Variants in CACNA2D3 observed in about 807,000 individuals in gnomAD.
CACNA2D3 encodes the protein voltage-dependent calcium channel subunit alpha-2/delta-3.
CACNA2D3 carries 60 observed loss-of-function variants against 160.6 expected under a neutral mutation model. The ratio of observed to expected loss-of-function variants is 0.37; its 90% CI spans 0.30 to 0.46. The LOEUF (loss-of-function observed/expected upper bound fraction) is 0.46. Among genes scored for constraint, CACNA2D3 ranks in the 20% least tolerant of loss-of-function variants. The pLI is 1.00. For missense variants in CACNA2D3, 1,205 were observed against 1,365.0 expected (o/e 0.88, Z 1.85); for synonymous variants, 558 against 492.9 (o/e 1.13, Z -1.75).
chr3:54,522,003 G>T (rs920507276), intron 5 of CACNA2D3, among the ~76,000 whole-genome samples: 2 of 152,124 alleles, frequency 1.3e-5, no homozygotes, highest in African/African-American at 4.8e-5. Context: ...TATTTTTCAA[G>T]AGTGTTTTGG....
intron 27 of CACNA2D3, among the ~76,000 whole-genome samples, chr3:54,943,520 A>G (rs1701530373): frequency 6.6e-6 from 1 of 152,206 alleles, no homozygotes; most frequent in African/African-American, 2.4e-5. Context: ...TTATTAGGAC[A>G]ATCTATGTAC....
intron 17 of CACNA2D3, among the ~76,000 whole-genome samples, chr3:54,847,934 ACAAT>A (rs1401475742): frequency 6.6e-6 from 1 of 152,212 alleles, no homozygotes; most frequent in Non-Finnish European, 1.5e-5. Context: ...AGTCCATGAA[ACAAT>A]CAAACCCAAA....
intron 2 of CACNA2D3, among the ~76,000 whole-genome samples, chr3:54,261,258 A>G (rs1245807928): frequency 6.6e-6 from 1 of 152,192 alleles, no homozygotes; most frequent in Non-Finnish European, 1.5e-5. Flanking sequence ...TTTAATCCTT[A>G]CAAAACCTTT....
intron 9 of CACNA2D3, among the ~76,000 whole-genome samples, chr3:54,587,523 C>T (rs934027079): frequency 3.3e-5 from 5 of 151,938 alleles, no homozygotes; most frequent in Non-Finnish European, 7.4e-5. Context: ...TGCCACTGCA[C>T]TCCAGCCTGG....
chr3:55,029,299 C>A (rs932348944), intron 35 of CACNA2D3, among the ~76,000 whole-genome samples: 42 of 152,210 alleles, frequency 2.8e-4, no homozygotes, highest in African/African-American at 9.2e-4. Flanking sequence ...AATGCCCTAA[C>A]CCTCACTTTG....
intron 27 of CACNA2D3, among the ~76,000 whole-genome samples, chr3:54,919,836 G>C (rs1435920286): frequency 6.6e-6 from 1 of 152,232 alleles, no homozygotes; most frequent in Non-Finnish European, 1.5e-5. Flanking sequence ...GACTCACAGA[G>C]GTCACGAGTG....
chr3:54,299,913 A>G (rs1703435733), intron 2 of CACNA2D3, among the ~76,000 whole-genome samples: 1 of 152,232 alleles, frequency 6.6e-6, no homozygotes, highest in Non-Finnish European at 1.5e-5. Context: ...GTGCCTGTGT[A>G]GTGAAAACCT....
intron 13 of CACNA2D3, among the ~76,000 whole-genome samples, chr3:54,774,281 G>T (rs1260256761): frequency 6.6e-6 from 1 of 152,140 alleles, no homozygotes; most frequent in Non-Finnish European, 1.5e-5. Flanking sequence ...GGTTTAATTG[G>T]CTCAGGGTTC....
At chr3:54,503,761 A>G in intron 5 of CACNA2D3, 107 bp downstream of exon 5, 3 of 964,504 alleles carry the variant, frequency 3.1e-6, no homozygotes, top group Non-Finnish European at 3.1e-6. Flanking sequence ...ATTTTTTTTG[A>G]AAAGCACAGT....
At chr3:54,320,406 G>A (rs770834623) in intron 2 of CACNA2D3, 36 bp from the exon 3 acceptor site, 27 of 1,060,672 alleles carry the variant, frequency 2.5e-5, no homozygotes, top group Non-Finnish European at 3.8e-5. Flanking sequence ...GTTTTACGGT[G>A]TCATGTGTCT....
rs1559573721 is a variant in CACNA2D3, at chr3:54,763,790, T to TACAC, written c.1247-427_1247-426insCACA. ...ATATGTATATATGTACATATATATG[T>TACAC]ATATATATGTACATATATATACATA... On this transcript the variant is annotated intron_variant, in intron 12 of 37. Transcript: ENST00000474759. Among the ~76,000 whole-genome samples, 233 of 37,616 alleles carry TACAC rather than the reference T, an allele frequency of 6.2e-3. 62 individuals carry two copies. Among genetic ancestry groups the TACAC allele is most frequent in the Non-Finnish European group, 0.011 (206 of 18,426 alleles). The allele number at this position is 37,616 out of a possible 152,430, so 24.7% of individuals were successfully genotyped here. A position where few individuals can be genotyped will look rare whatever the true frequency, so the allele number is the denominator to read the frequency against.
rs140698328 is a variant in CACNA2D3, at chr3:54,186,321, C to G, written c.204+62727C>G. On this transcript the variant is annotated intron_variant, in intron 2 of 37. Coordinates refer to ENST00000474759, the MANE Select transcript of CACNA2D3 (RefSeq NM_018398.3). The stretch of plus-strand genomic sequence containing the variant: ...CTTTTCAAATAGTAATTTTAAGTAT[C>G]CCCAAAGACACAGATCGGTTGGGTG... Among the ~76,000 whole-genome samples the G allele has an allele frequency of 1.1e-4, 17 of 152,228 alleles. No homozygotes were observed. The East Asian group carries it at 3.3e-3, about 29-fold the overall frequency.
chr3:55,038,148 G>C (rs1703871466), intron 35 of CACNA2D3, among the ~76,000 whole-genome samples: 1 of 152,294 alleles, frequency 6.6e-6, no homozygotes, highest in Admixed American at 6.5e-5. Flanking sequence ...AGCAACCAAA[G>C]TCTGTAATAG....
chr3:54,744,256 G>T (rs1413475338), intron 11 of CACNA2D3, among the ~76,000 whole-genome samples: 2 of 152,188 alleles, frequency 1.3e-5, no homozygotes, highest in Admixed American at 6.5e-5. Context: ...TCCACTAAGA[G>T]GGCCCATCTT....
chr3:54,294,615 A>G (rs562759090), intron 2 of CACNA2D3, among the ~76,000 whole-genome samples: 149 of 152,300 alleles, frequency 9.8e-4, no homozygotes, highest in Non-Finnish European at 1.8e-3. Context: ...TCTGTGTTCA[A>G]ATCTAAAAAC....
intron 4 of CACNA2D3, among the ~76,000 whole-genome samples, chr3:54,439,013 T>C (rs563549293): frequency 6.6e-6 from 1 of 152,324 alleles, no homozygotes; most frequent in South Asian, 2.1e-4. Flanking sequence ...CAGGTGTGGA[T>C]TGATCACCTT....
At chr3:54,348,635 A>G (rs1698498389) in intron 3 of CACNA2D3, among the ~76,000 whole-genome samples, 1 of 152,242 alleles carries the variant, frequency 6.6e-6, no homozygotes, top group African/African-American at 2.4e-5. Context: ...TCTGGGGATT[A>G]TTGCAAATGG....
At chr3:54,194,896 T>TG (rs1186249428) in intron 2 of CACNA2D3, among the ~76,000 whole-genome samples, 1 of 152,146 alleles carries the variant, frequency 6.6e-6, no homozygotes, top group Admixed American at 6.5e-5. Context: ...TACATGGATT[T>TG]GGGGGGACAC....
chr3:54,963,476 C>T (rs1702078223), intron 27 of CACNA2D3, among the ~76,000 whole-genome samples: 1 of 152,182 alleles, frequency 6.6e-6, no homozygotes, highest in Non-Finnish European at 1.5e-5. Flanking sequence ...TGACATCTAA[C>T]TAGTGCAACT....
Sources: gnomAD v4.1 joint callset for allele counts (sites outside exome capture counted in the v4.1 genomes callset) on GRCh38, gnomAD v4.1.1 for gene constraint, MANE v1.5 for transcripts, NCBI Gene and HGNC (gene_info 2026-07-23, HGNC 2026-07-21) for gene names.